USP25: variants seen among roughly 807,000 people sequenced by gnomAD.
The protein encoded by USP25 is ubiquitin specific peptidase 25.
USP25 carries 85 observed loss-of-function variants against 158.5 expected under a neutral mutation model. The observed-to-expected ratio is 0.54, with a 90% confidence interval of 0.45 to 0.64. The LOEUF is 0.64. Ranked by LOEUF, USP25 falls within the 30% of genes least tolerant of loss-of-function variation. The pLI is 0.00. For missense variants in USP25, 1,242 were observed against 1,327.3 expected (o/e 0.94, Z 1.00); for synonymous variants, 464 against 460.4 (o/e 1.01, Z -0.10).
intron 17 of USP25, among the ~76,000 whole-genome samples, chr21:15,835,001 T>G (rs2037994019): frequency 6.6e-6 from 1 of 152,236 alleles, no homozygotes; most frequent in South Asian, 2.1e-4. Flanking sequence ...TTCTGTCCCT[T>G]TGTGATTTCA....
chr21:15,815,635 G>A (rs2036900521), intron 9 of USP25, among the ~76,000 whole-genome samples: 1 of 152,160 alleles, frequency 6.6e-6, no homozygotes. Flanking sequence ...TTGGATTTCA[G>A]ACTGTAACCC....
intron 4 of USP25, among the ~76,000 whole-genome samples, chr21:15,786,092 A>G (rs2035256588): frequency 6.6e-6 from 1 of 152,134 alleles, no homozygotes; most frequent in African/African-American, 2.4e-5. Flanking sequence ...CCAAGATTAA[A>G]TTGAGAAGAA....
intron 5 of USP25, among the ~76,000 whole-genome samples, chr21:15,791,874 T>C (rs934625407): frequency 1.3e-5 from 2 of 151,890 alleles, no homozygotes; most frequent in African/African-American, 4.8e-5. Flanking sequence ...AGTAGATCAC[T>C]ACTTATGCCT....
intron 1 of USP25, among the ~76,000 whole-genome samples, chr21:15,750,538 C>G (rs1013917670): frequency 6.6e-6 from 1 of 151,770 alleles, no homozygotes; most frequent in African/African-American, 2.4e-5. Context: ...CCCCTTATAT[C>G]CTTTTAATAA....
chr21:15,860,346 G>A (rs1282411334), intron 20 of USP25, among the ~76,000 whole-genome samples: 2 of 152,024 alleles, frequency 1.3e-5, no homozygotes, highest in Non-Finnish European at 2.9e-5. Context: ...GTAGAGACAG[G>A]GTTTCACTGT....
chr21:15,812,546 G>A (rs1228277600), intron 9 of USP25, among the ~76,000 whole-genome samples: 2 of 152,004 alleles, frequency 1.3e-5, no homozygotes, highest in Non-Finnish European at 2.9e-5. Context: ...AGCTACTCAG[G>A]AGGCTGAGGC....
chr21:15,805,351 T>G (rs1445031886), intron 7 of USP25, 93 bp downstream of exon 7: 2 of 1,206,204 alleles, frequency 1.7e-6, no homozygotes, highest in African/African-American at 3.1e-5. Flanking sequence ...CTATTTGAGA[T>G]GCATGATTCT....
intron 17 of USP25, among the ~76,000 whole-genome samples, chr21:15,835,063 C>G (rs757118024): frequency 1.3e-5 from 2 of 152,296 alleles, no homozygotes; most frequent in South Asian, 4.1e-4. Flanking sequence ...GAACCTGCCC[C>G]AAGATGGAGC....
chr21:15,840,168 A>G (rs991319697), intron 17 of USP25, among the ~76,000 whole-genome samples: 3 of 152,096 alleles, frequency 2.0e-5, no homozygotes, highest in Admixed American at 6.6e-5. Flanking sequence ...CTTTTCTCCA[A>G]GATAATCCTC....
At chr21:15,772,451 G>A (rs961807172) in intron 3 of USP25, among the ~76,000 whole-genome samples, 3 of 152,162 alleles carry the variant, frequency 2.0e-5, no homozygotes, top group Non-Finnish European at 4.4e-5. Context: ...TTGTATTCAC[G>A]CTAATACTAG....
chr21:15,807,486 G>A lies in USP25; in HGVS notation c.781-1323G>A, dbSNP rs80133399. Reference sequence around the variant, plus strand: ...CAAATGGAGTGGTTAAAAACAAAAGGTTATTCTCTAATAGTTCTAGAGGGC... The same window carrying A: ...CAAATGGAGTGGTTAAAAACAAAAGATTATTCTCTAATAGTTCTAGAGGGC... On this transcript the variant is annotated intron_variant, in intron 7 of 25. Transcript: ENST00000400183. Among the ~76,000 whole-genome samples the A allele has an allele frequency of 1.3e-3, 193 of 152,290 alleles. 1 individual carries two copies. The highest frequency in any genetic ancestry group is 4.5e-3 in the African/African-American group (189 of 41,564).
intron 7 of USP25, among the ~76,000 whole-genome samples, chr21:15,806,989 C>T (rs1042422783): frequency 2.6e-5 from 4 of 152,010 alleles, no homozygotes; most frequent in Non-Finnish European, 5.9e-5. Context: ...AGTGGTATGA[C>T]AATGGCTCAC....
chr21:15,818,387 G>T (rs548336564), intron 9 of USP25, among the ~76,000 whole-genome samples: 10 of 152,186 alleles, frequency 6.6e-5, no homozygotes, highest in African/African-American at 2.4e-4. Flanking sequence ...TATCTCTCTT[G>T]TTCACTGCTG....
chr21:15,750,547 A>G (rs1189990801), intron 1 of USP25, among the ~76,000 whole-genome samples: 1 of 151,244 alleles, frequency 6.6e-6, no homozygotes, highest in African/African-American at 2.4e-5. Context: ...TCCTTTTAAT[A>G]AGTGTTCAGT....
At chr21:15,849,149 C>T (rs1254106994) in intron 19 of USP25, among the ~76,000 whole-genome samples, 1 of 152,100 alleles carries the variant, frequency 6.6e-6, no homozygotes, top group Non-Finnish European at 1.5e-5. Flanking sequence ...TTAGGATGTG[C>T]CCTCTCTCAT....
Position 15,778,268 on chromosome 21 carries a change from T to A in USP25, c.392+241T>A, listed in dbSNP as rs568842024. ...AGGGATTACATTTAGGTGCATATTT[T>A]AATATTTCTTTCATTTTTTTTCTTC... is the stretch of plus-strand genomic sequence containing the variant. On this transcript the variant is annotated intron_variant, in intron 4 of 25. Coordinates refer to ENST00000400183, the MANE Select transcript of USP25 (RefSeq NM_001283041.3). Among the ~76,000 whole-genome samples the A allele has an allele frequency of 5.9e-5, 9 of 152,152 alleles. 1 individual carries two copies. Among genetic ancestry groups the A allele is most frequent in the Non-Finnish European group, 1.3e-4 (9 of 67,986 alleles).
At chr21:15,790,763 C>G (rs771534752) in intron 4 of USP25, among the ~76,000 whole-genome samples, 4 of 150,298 alleles carry the variant, frequency 2.7e-5, no homozygotes, top group African/African-American at 4.9e-5. Context: ...TATGATTATA[C>G]TTATGTTGTT....
intron 21 of USP25, among the ~76,000 whole-genome samples, chr21:15,865,534 A>G (rs977609126): frequency 2.0e-5 from 3 of 152,216 alleles, no homozygotes; most frequent in African/African-American, 7.2e-5. Context: ...TTATATTAGT[A>G]GCAGTGTGGA....
intron 1 of USP25, among the ~76,000 whole-genome samples, chr21:15,750,181 CGTGTGTGTGTGT>C (rs367779613): frequency 5.5e-5 from 7 of 126,932 alleles, no homozygotes; most frequent in South Asian, 2.5e-4. Context: ...TCTCCAGTGC[CGTGTGTGTGTGT>C]GTGTGTGTGT....
Sources: allele counts gnomAD v4.1 joint callset (sites outside exome capture counted in the v4.1 genomes callset), GRCh38; gene constraint gnomAD v4.1.1; transcripts MANE v1.5; gene names NCBI Gene and HGNC (gene_info 2026-07-23, HGNC 2026-07-21).